Variants in VPS16 observed in about 807,000 individuals in gnomAD.
VPS16 encodes the protein VPS16 core subunit of CORVET and HOPS complexes, also known as vacuolar protein sorting-associated protein 16 homolog.
VPS16 carries 82 observed loss-of-function variants against 116.0 expected under a neutral mutation model. The ratio of observed to expected loss-of-function variants is 0.71; its 90% CI spans 0.59 to 0.85. VPS16 has a LOEUF of 0.85. Ranked by LOEUF, VPS16 falls within the 40% of genes least tolerant of loss-of-function variation. VPS16 has a pLI of 0.00. For missense variants in VPS16, 928 were observed against 1,090.6 expected (o/e 0.85, Z 2.10); for synonymous variants, 406 against 420.7 (o/e 0.96, Z 0.43).
At chr20:2,857,938 T>C (rs937726205) in intron 1 of VPS16, among the ~76,000 whole-genome samples, 5 of 152,184 alleles carry the variant, frequency 3.3e-5, no homozygotes, top group Non-Finnish European at 7.3e-5. Flanking sequence ...CTCATACTCC[T>C]GACTTCAAGT....
intron 1 of VPS16, among the ~76,000 whole-genome samples, chr20:2,857,205 G>C (rs2089180304): frequency 6.6e-6 from 1 of 152,112 alleles, no homozygotes; most frequent in Non-Finnish European, 1.5e-5. Context: ...TCGAACTCCT[G>C]ACCTCAGGTG....
At chr20:2,843,051 A>G (rs566570052) in intron 1 of VPS16, among the ~76,000 whole-genome samples, 1 of 152,218 alleles carries the variant, frequency 6.6e-6, no homozygotes, top group Admixed American at 6.5e-5. Context: ...ACCTAATGTG[A>G]TATACTTCCT....
chr20:2,864,056 T>C lies in VPS16; in HGVS notation c.1584T>C (p.Gly528=). 1 of 1,614,088 alleles carries C rather than the reference T, an allele frequency of 6.2e-7. No homozygotes were observed. Among genetic ancestry groups the C allele is most frequent in the Non-Finnish European group, 8.5e-7 (1 of 1,179,990 alleles). The stretch of plus-strand genomic sequence containing the variant: ...CCGACATTGCTGCACGAGCCTATGG[T>C]TGTGGCCGCACGGAGCTGGCCATCA... The part of the protein sequence containing the change: ...SYSDIAARAY[G]CGRTELAIKL... The change falls in exon 16 of 24, where the codon GGT becomes GGC. Residue 528 remains glycine (G), a synonymous_variant. Transcript: ENST00000380445. This position sits in a 1 kb window ranked among gnomAD's most constrained non-coding sequence, Gnocchi z 5.2.
chr20:2,866,041 A>G, intron 22 of VPS16, 171 bp from the exon 23 acceptor site: 1 of 638,408 alleles, frequency 1.6e-6, no homozygotes, highest in Non-Finnish European at 2.7e-6. Context: ...TGCCCTAAGA[A>G]TGTTGAGATC....
intron 11 of VPS16, 27 bp downstream of exon 11, chr20:2,862,157 C>A (rs764880540): frequency 1.2e-6 from 2 of 1,606,238 alleles, no homozygotes; most frequent in Admixed American, 1.7e-5. Context: ...CTCTCCCAGT[C>A]CCAGAATGGT....
At chr20:2,841,650 G>T (rs2015839814) in intron 1 of VPS16, among the ~76,000 whole-genome samples, 1 of 152,182 alleles carries the variant, frequency 6.6e-6, no homozygotes, top group Admixed American at 6.5e-5. Flanking sequence ...ATAGAATCCT[G>T]TGGGCCTCAC....
At chr20:2,844,339 A>G (rs953584340) in intron 1 of VPS16, among the ~76,000 whole-genome samples, 3 of 152,210 alleles carry the variant, frequency 2.0e-5, no homozygotes, top group South Asian at 2.1e-4. Flanking sequence ...GCCTGACAGG[A>G]TTCTTTTGTA....
At chr20:2,856,541 T>C (rs947527338) in intron 1 of VPS16, among the ~76,000 whole-genome samples, 1 of 152,206 alleles carries the variant, frequency 6.6e-6, no homozygotes, top group Non-Finnish European at 1.5e-5. Context: ...TGTATGCTTG[T>C]AGTATAAAAG....
Position 2,860,004 on chromosome 20 carries a change from A to G in VPS16, c.143-50A>G, listed in dbSNP as rs1227517637. On this transcript the variant is annotated intron_variant, in intron 2 of 23. Coordinates refer to ENST00000380445, the MANE Select transcript of VPS16 (RefSeq NM_022575.4). The surrounding 1 kb of genome is among the most constrained non-coding windows in gnomAD (Gnocchi z 6.1). ...AGCCAGGATGTGAGGCCTGCTTCAC[A>G]TGGGGTGGGCCTAGGGAGCTAGGAC... 1.9e-6 allele frequency: 3 copies of G among 1,609,318 alleles called. No homozygotes were observed. Among genetic ancestry groups the G allele is most frequent in the East Asian group, 2.2e-5 (1 of 44,854 alleles).
chr20:2,866,270 C>T lies in VPS16; in HGVS notation c.2330C>T (p.Ser777Phe), dbSNP rs1171527169. 49 of 1,614,126 alleles carry T rather than the reference C, an allele frequency of 3.0e-5. No individual in the cohort carries two copies. Among genetic ancestry groups the T allele is most frequent in the Non-Finnish European group, 4.1e-5 (48 of 1,180,028 alleles). Reference protein sequence around the residue: ...HNKYEAKKYASRVGPEQKVKA... With the variant: ...HNKYEAKKYAFRVGPEQKVKA... ...AAATACGAAGCCAAGAAGTATGCTTCCCGCGTGGGTCCCGAGCAGAAGGTC... is the reference window on the plus strand; with the variant it reads ...AAATACGAAGCCAAGAAGTATGCTTTCCGCGTGGGTCCCGAGCAGAAGGTC... The change falls in exon 23 of 24, where the codon TCC (serine) becomes TTC (phenylalanine). Residue 777 changes from serine (S) to phenylalanine (F), a missense_variant. Coordinates refer to ENST00000380445, the MANE Select transcript of VPS16 (RefSeq NM_022575.4).
rs2089258909 is a variant in VPS16 at position 2,863,150 on chromosome 20, T to G, written c.1367+50T>G. The G allele has an allele frequency of 6.2e-7, 1 of 1,612,830 alleles. No homozygotes were observed. Among genetic ancestry groups the G allele is most frequent in the African/African-American group, 1.3e-5 (1 of 74,674 alleles). ...GAGCGGGCTGTCAGGGGGGTGGGCATTACAGCCTTGGGTGGGGTCTTATGG... is the reference window on the plus strand; with the variant it reads ...GAGCGGGCTGTCAGGGGGGTGGGCAGTACAGCCTTGGGTGGGGTCTTATGG... On this transcript the variant is annotated intron_variant, in intron 14 of 23. Transcript: ENST00000380445. This position sits in a 1 kb window ranked among gnomAD's most constrained non-coding sequence, Gnocchi z 4.4.
rs969290315 is a variant in VPS16 at position 2,845,357 on chromosome 20, T to C, written c.53+4530T>C. On this transcript the variant is annotated intron_variant, in intron 1 of 23. Transcript: ENST00000380445. ...TTGGCAGGGAAGGAGGTGAGCTTGG[T>C]TCTAGATACATTGAGTTTCAGGTAC... Among the ~76,000 whole-genome samples, 8 of 152,178 alleles carry C rather than the reference T, an allele frequency of 5.3e-5. 1 individual carries two copies. Among genetic ancestry groups the C allele is most frequent in the East Asian group, 3.9e-4 (2 of 5,180 alleles).
In VPS16 at chr20:2,862,880, G is replaced by C. The variant is rs766221953; in HGVS notation, c.1277G>C (p.Arg426Pro). The C allele has an allele frequency of 6.2e-7, 1 of 1,614,124 alleles. No individual in the cohort carries two copies. Among genetic ancestry groups the C allele is most frequent in the South Asian group, 1.1e-5 (1 of 91,086 alleles). ...DSFVHMCQDL[R>P]VLNAVRDYHI... ...TTCGTGCACATGTGTCAGGACCTGC[G>C]TGTGCTCAATGCTGTTCGGGACTAT... The change falls in exon 13 of 24, where the codon CGT (arginine) becomes CCT (proline). Residue 426 changes from arginine to proline, a missense_variant. By Grantham distance (103) the Arg-to-Pro change is moderately radical. Coordinates refer to ENST00000380445, the MANE Select transcript of VPS16 (RefSeq NM_022575.4).
rs1223159936 is a variant in VPS16 at position 2,862,436 on chromosome 20, T to C, written c.1072-143T>C. 2.1e-6 allele frequency: 3 copies of C among 1,451,064 alleles called. No individual in the cohort carries two copies. The African/African-American group carries it at 4.3e-5, about 21-fold the overall frequency. The allele number at this position is 1,451,064 out of a possible 1,614,324, so 89.9% of individuals were successfully genotyped here. A position where few individuals can be genotyped will look rare whatever the true frequency, so the allele number is the denominator to read the frequency against. On this transcript the variant is annotated intron_variant, in intron 11 of 23. Coordinates refer to ENST00000380445, the MANE Select transcript of VPS16 (RefSeq NM_022575.4). ...GATGTCTGTGGGCACCTCAGGTGGA[T>C]TGAGTGGGCTGAGGGAGTTGGGGCT...
chr20:2,862,440 G>C, intron 11 of VPS16, 139 bp from the exon 12 acceptor site: 9 of 1,458,006 alleles, frequency 6.2e-6, no homozygotes, highest in Non-Finnish European at 8.2e-6. Flanking sequence ...GGTGGATTGA[G>C]TGGGCTGAGG....
rs761387908 is a variant in VPS16, at chr20:2,866,603, G to A, written c.*29G>A. ...GTCCATCCTGTACATCTCAAGCAAG[G>A]GGTTCCTCCCCTAGCACCTGGGCTT... On this transcript the variant is annotated 3_prime_UTR_variant, in exon 24 of 24. Transcript: ENST00000380445. 2 of 1,611,854 alleles carry A rather than the reference G, an allele frequency of 1.2e-6. No individual in the cohort carries two copies. The highest frequency in any genetic ancestry group is 2.7e-5 in the African/African-American group (2 of 74,876).
intron 1 of VPS16, chr20:2,841,127 C>T: frequency 2.1e-6 from 1 of 467,628 alleles, no homozygotes; most frequent in Non-Finnish European, 3.8e-6. Flanking sequence ...AGCGAGTGCC[C>T]AGTCTCCTGC....
At position 2,865,003 on chromosome 20, in the gene VPS16, T is replaced by G. The variant is rs1311539134; in HGVS notation, c.1952T>G (p.Leu651Arg). Residue 651 changes from leucine to arginine, a missense_variant, in exon 20 of 24, where the codon CTG becomes CGG. Coordinates refer to ENST00000380445, the MANE Select transcript of VPS16 (RefSeq NM_022575.4). This position sits in a 1 kb window ranked among gnomAD's most constrained non-coding sequence, Gnocchi z 5.2. ...EERIEGRVAA[L>R]QTAADAFYKA... ...CGTATTGAGGGGCGAGTAGCAGCTCTGCAGACAGCCGCCGATGCCTTCTAC... is the reference window on the plus strand; with the variant it reads ...CGTATTGAGGGGCGAGTAGCAGCTCGGCAGACAGCCGCCGATGCCTTCTAC... The G allele has an allele frequency of 1.1e-5, 18 of 1,614,186 alleles. No homozygotes were observed. The highest frequency in any genetic ancestry group is 1.4e-5 in the Non-Finnish European group (17 of 1,180,022).
chr20:2,865,265 CACA>C lies in VPS16; in HGVS notation c.2127_2129del (p.Asn709del), dbSNP rs1304941739. On this transcript the variant is annotated inframe_deletion, in exon 21 of 24. Coordinates refer to ENST00000380445, the MANE Select transcript of VPS16 (RefSeq NM_022575.4). The surrounding 1 kb of genome is among the most constrained non-coding windows in gnomAD (Gnocchi z 5.2). ...AGTTACCACCCTCATTCTTGGCGGT[CACA>C]ACAAGCGTGCAGAGCAGCTGGCACG... is the stretch of plus-strand genomic sequence containing the variant. The C allele has an allele frequency of 6.8e-6, 11 of 1,614,144 alleles. No homozygotes were observed. Among genetic ancestry groups the C allele is most frequent in the Non-Finnish European group, 8.5e-6 (10 of 1,180,036 alleles).
Sources: allele counts gnomAD v4.1 joint callset (sites outside exome capture counted in the v4.1 genomes callset), GRCh38; gene constraint gnomAD v4.1.1; non-coding constraint Gnocchi (gnomAD v3.1); transcripts MANE v1.5; gene names NCBI Gene and HGNC (gene_info 2026-07-23, HGNC 2026-07-21).